Variants in GABRA4 observed in about 807,000 individuals in gnomAD.
GABRA4 encodes the protein gamma-aminobutyric acid receptor subunit alpha-4.
Under a neutral mutation model 49.7 loss-of-function variants are expected in GABRA4, and 12 were observed. The observed-to-expected ratio is 0.24, with a 90% CI of 0.15 to 0.39. The LOEUF is 0.39. Ranked by LOEUF, GABRA4 falls within the 10% of genes least tolerant of loss-of-function variation. The pLI, the probability that GABRA4 is intolerant of heterozygous loss-of-function variation, is 1.00. For synonymous variants in GABRA4, 288 were observed against 240.2 expected (o/e 1.20, Z -1.84); for missense variants, 506 against 686.0 (o/e 0.74, Z 2.93).
At chr4:46,955,110 T>C (rs1722295902) in intron 8 of GABRA4, among the ~76,000 whole-genome samples, 2 of 152,162 alleles carry the variant, frequency 1.3e-5, no homozygotes, top group South Asian at 4.1e-4. Flanking sequence ...TCACAGCTTC[T>C]TCATTTGCCA....
chr4:46,967,334 A>G (rs1722799008), intron 7 of GABRA4, among the ~76,000 whole-genome samples: 2 of 151,430 alleles, frequency 1.3e-5, no homozygotes, highest in African/African-American at 4.8e-5. Context: ...GCAACTTAAG[A>G]TTCCCTATGT....
intron 8 of GABRA4, among the ~76,000 whole-genome samples, chr4:46,949,081 C>A (rs185889754): frequency 6.6e-6 from 1 of 152,196 alleles, no homozygotes; most frequent in African/African-American, 2.4e-5. Context: ...GACTTGAGAT[C>A]CTTCTTACCC....
chr4:46,954,297 C>G (rs1192545767), intron 8 of GABRA4, among the ~76,000 whole-genome samples: 8 of 152,096 alleles, frequency 5.3e-5, no homozygotes, highest in African/African-American at 1.9e-4. Flanking sequence ...TGGCTCATTC[C>G]TGTAATCCCA....
intron 8 of GABRA4, among the ~76,000 whole-genome samples, chr4:46,961,621 G>A (rs776880506): frequency 6.6e-6 from 1 of 151,802 alleles, no homozygotes; most frequent in South Asian, 2.1e-4. Flanking sequence ...ATGAATAAGG[G>A]ACCGATCTGT....
chr4:46,960,580 GA>G (rs1302984821), intron 8 of GABRA4, among the ~76,000 whole-genome samples: 1 of 151,516 alleles, frequency 6.6e-6, no homozygotes, highest in Non-Finnish European at 1.5e-5. Context: ...AATTAACAAT[GA>G]AGTTTTCAAA....
At chr4:46,952,369 TTAAG>T (rs1329678571) in intron 8 of GABRA4, among the ~76,000 whole-genome samples, 1 of 152,068 alleles carries the variant, frequency 6.6e-6, no homozygotes, top group Non-Finnish European at 1.5e-5. Flanking sequence ...CTAGAAAATA[TTAAG>T]AAAAGCATGC....
rs1415223312 is a variant in GABRA4 at position 46,920,299 on chromosome 4, T to C, written c.*7926A>G. On this transcript the variant is annotated 3_prime_UTR_variant, in exon 9 of 9. Transcript: ENST00000264318. Reference sequence around the variant, plus strand: ...TGCCTTTGGAAATAATATTATGCAATTGGTAATATCTTATATTGCCAACAA... The same window carrying C: ...TGCCTTTGGAAATAATATTATGCAACTGGTAATATCTTATATTGCCAACAA... The C allele has an allele frequency of 6.6e-6, 1 of 151,674 alleles. No homozygotes were observed. The highest frequency in any genetic ancestry group is 2.4e-5 in the African/African-American group (1 of 41,402). 9.4% of individuals were successfully genotyped at this position (151,674 alleles called of 1,614,324 possible).
chr4:46,950,045 G>A (rs1284182085), intron 8 of GABRA4, among the ~76,000 whole-genome samples: 1 of 152,032 alleles, frequency 6.6e-6, no homozygotes, highest in Non-Finnish European at 1.5e-5. Flanking sequence ...GCCATTTTTA[G>A]ATCAGCCCGT....
Position 46,976,998 on chromosome 4 carries a change from T to G in GABRA4, c.577+63A>C, listed in dbSNP as rs1723159819. The G allele has an allele frequency of 1.6e-5, 14 of 889,366 alleles. No individual in the cohort carries two copies. In the South Asian group the frequency reaches 2.0e-4, roughly 13 times the overall value. 55.1% of individuals were successfully genotyped at this position (889,366 alleles called of 1,614,324 possible). On this transcript the variant is annotated intron_variant, in intron 5 of 8. Coordinates refer to ENST00000264318, the MANE Select transcript of GABRA4 (RefSeq NM_000809.4). Reference sequence around the variant, plus strand: ...GTTGGATTATGAAAAATAAAATACATGTGTAAATATTAGCTTGCATGAGGT... The same window carrying G: ...GTTGGATTATGAAAAATAAAATACAGGTGTAAATATTAGCTTGCATGAGGT...
At chr4:46,989,979 A>G (rs1723685685) in intron 2 of GABRA4, among the ~76,000 whole-genome samples, 1 of 152,232 alleles carries the variant, frequency 6.6e-6, no homozygotes, top group African/African-American at 2.4e-5. Context: ...TTACAACTTC[A>G]TATAAACAGA....
chr4:46,941,300 T>G (rs1486545894), intron 8 of GABRA4, among the ~76,000 whole-genome samples: 2 of 152,172 alleles, frequency 1.3e-5, no homozygotes, highest in Admixed American at 6.6e-5. Context: ...GAACCATAGG[T>G]TCTGAAATCA....
rs1485594898 is a variant in GABRA4, at chr4:46,974,394, T to C, written c.578-19A>G. The C allele has an allele frequency of 1.2e-6, 2 of 1,603,578 alleles. No homozygotes were observed. The highest frequency in any genetic ancestry group is 1.7e-5 in the Admixed American group (1 of 58,990). On this transcript the variant is annotated intron_variant, in intron 5 of 8. Coordinates refer to ENST00000264318, the MANE Select transcript of GABRA4 (RefSeq NM_000809.4). ...TAGGCATCTAAAAGAGAGCACAGAA[T>C]GTGGTTAGAGTCAATGCTCCTTTTT...
intron 8 of GABRA4, among the ~76,000 whole-genome samples, chr4:46,964,540 T>C (rs1722684417): frequency 1.3e-5 from 2 of 151,804 alleles, no homozygotes. Flanking sequence ...AATATATGCA[T>C]CTATTATGTA....
chr4:46,954,397 A>ATT (rs1209152265), intron 8 of GABRA4, among the ~76,000 whole-genome samples: 1 of 104,736 alleles, frequency 9.5e-6, no homozygotes, highest in East Asian at 3.8e-4. Flanking sequence ...CTCTACTAAA[A>ATT]ATACAAAAAA....
In GABRA4 at chr4:46,968,675, T is replaced by C. The variant is rs1220517800; in HGVS notation, c.874+2408A>G. Among the ~76,000 whole-genome samples the C allele has an allele frequency of 2.0e-5, 3 of 151,686 alleles. No individual in the cohort carries two copies. The South Asian group carries it at 6.2e-4, about 31-fold the overall frequency. Reference sequence around the variant, plus strand: ...ATCATTGGTACTAGTAATACTAATATCCTTACTTCCTGCTACTTCGTTTTC... The same window carrying C: ...ATCATTGGTACTAGTAATACTAATACCCTTACTTCCTGCTACTTCGTTTTC... On this transcript the variant is annotated intron_variant, in intron 7 of 8. Transcript: ENST00000264318.
rs537466632 is a variant in GABRA4, at chr4:46,962,862, C to T, written c.1134+2108G>A. Reference sequence around the variant, plus strand: ...CCAAGAATATACAGCTGGAAAAAGACGGTCCCTTCAATAAATGGTGCTGGG... The same window carrying T: ...CCAAGAATATACAGCTGGAAAAAGATGGTCCCTTCAATAAATGGTGCTGGG... On this transcript the variant is annotated intron_variant, in intron 8 of 8. Coordinates refer to ENST00000264318, the MANE Select transcript of GABRA4 (RefSeq NM_000809.4). 2.8e-4 allele frequency among the ~76,000 whole-genome samples: 42 copies of T among 151,878 alleles called. 1 individual carries two copies. In the South Asian group the frequency reaches 6.9e-3, roughly 25 times the overall value.
rs1225294602 is a variant in GABRA4 at position 46,922,783 on chromosome 4, T to C, written c.*5442A>G. ...AACTGAAAACTCACTAGGGTTATGG[T>C]TGACAAAAGTTAAAGAAAATTTTAA... On this transcript the variant is annotated 3_prime_UTR_variant, in exon 9 of 9. Transcript: ENST00000264318. 2.0e-5 allele frequency: 3 copies of C among 152,024 alleles called. No individual in the cohort carries two copies. The highest frequency in any genetic ancestry group is 4.4e-5 in the Non-Finnish European group (3 of 67,990). The allele number at this position is 152,024 out of a possible 1,614,324, so 9.4% of individuals were successfully genotyped here. A position where few individuals can be genotyped will look rare whatever the true frequency, so the allele number is the denominator to read the frequency against.
At chr4:46,972,495 G>C (rs953210337) in intron 6 of GABRA4, among the ~76,000 whole-genome samples, 2 of 151,440 alleles carry the variant, frequency 1.3e-5, no homozygotes, top group East Asian at 3.9e-4. Flanking sequence ...TATACAGCTT[G>C]ATGAGTTTGG....
intron 8 of GABRA4, among the ~76,000 whole-genome samples, chr4:46,952,928 A>G (rs936090862): frequency 6.6e-6 from 1 of 152,114 alleles, no homozygotes; most frequent in African/African-American, 2.4e-5. Flanking sequence ...TTTTTCATAT[A>G]TTGCTATCAC....
Sources: allele counts gnomAD v4.1 joint callset (sites outside exome capture counted in the v4.1 genomes callset), GRCh38; gene constraint gnomAD v4.1.1; transcripts MANE v1.5; gene names NCBI Gene and HGNC (gene_info 2026-07-23, HGNC 2026-07-21).